Variants in TBC1D14 observed in about 807,000 individuals in gnomAD.
TBC1D14 encodes TBC1 domain family member 14.
Under a neutral mutation model 79.0 loss-of-function variants are expected in TBC1D14, and 26 were observed. The observed-to-expected ratio is 0.33, with a 90% CI of 0.24 to 0.46. TBC1D14 has a LOEUF of 0.46. Ranked by LOEUF, TBC1D14 falls within the 20% of genes least tolerant of loss-of-function variation. The probability of loss-of-function intolerance (pLI) is 1.00; values close to 1 mark genes in which losing one functional copy is unlikely to be tolerated. For synonymous variants in TBC1D14, 394 were observed against 349.9 expected (o/e 1.13, Z -1.40); for missense variants, 769 against 887.6 (o/e 0.87, Z 1.70).
At position 6,930,970 on chromosome 4, in the gene TBC1D14, G is replaced by A. The variant is rs919706532; in HGVS notation, c.722+6859G>A. Among the ~76,000 whole-genome samples the A allele has an allele frequency of 3.3e-5, 5 of 152,014 alleles. No homozygotes were observed. In the Middle Eastern group the frequency reaches 0.01, roughly 310 times the overall value. On this transcript the variant is annotated intron_variant, in intron 2 of 13. Coordinates refer to ENST00000409757, the MANE Select transcript of TBC1D14 (RefSeq NM_020773.3). ...GGCTGGAGTGCAGTGGTGTCATCTC[G>A]GCTCACTGCAACCTCTGCCTCCCGG...
intron 2 of TBC1D14, among the ~76,000 whole-genome samples, chr4:6,924,373 G>A (rs1053049249): frequency 6.6e-6 from 1 of 152,186 alleles, no homozygotes; most frequent in Non-Finnish European, 1.5e-5. Context: ...CTGTCCCACA[G>A]GTGGCCAGTG....
At chr4:6,918,545 T>C (rs1300310536) in intron 1 of TBC1D14, among the ~76,000 whole-genome samples, 1 of 152,204 alleles carries the variant, frequency 6.6e-6, no homozygotes, top group Admixed American at 6.5e-5. Context: ...GCCTGTGAGC[T>C]ATAGGGTATT....
intron 13 of TBC1D14, among the ~76,000 whole-genome samples, chr4:7,027,067 C>T (rs972852171): frequency 5.3e-5 from 8 of 151,886 alleles, no homozygotes; most frequent in African/African-American, 1.7e-4. Flanking sequence ...AAAAATTAGC[C>T]GGGCACGTTG....
chr4:7,028,187 C>T (rs528660563), intron 13 of TBC1D14, among the ~76,000 whole-genome samples: 15 of 152,134 alleles, frequency 9.9e-5, no homozygotes, highest in East Asian at 9.7e-4. Flanking sequence ...TACACACCCA[C>T]GTACAGGTGC....
chr4:6,997,676 A>T (rs912371732), intron 5 of TBC1D14, among the ~76,000 whole-genome samples: 3 of 152,246 alleles, frequency 2.0e-5, no homozygotes, highest in Admixed American at 2.0e-4. Flanking sequence ...GTACAGTGGA[A>T]TATTATTTGG....
intron 12 of TBC1D14, among the ~76,000 whole-genome samples, chr4:7,016,461 G>A (rs999311663): frequency 1.3e-5 from 2 of 152,242 alleles, no homozygotes; most frequent in African/African-American, 4.8e-5. Flanking sequence ...CCGCGGTGCT[G>A]GAGGACGGGA....
intron 2 of TBC1D14, among the ~76,000 whole-genome samples, chr4:6,937,531 G>A (rs1208884573): frequency 3.3e-5 from 5 of 152,200 alleles, no homozygotes; most frequent in Non-Finnish European, 5.9e-5. Context: ...TGGGTTGGAA[G>A]CTGTGTGAAA....
intron 1 of TBC1D14, among the ~76,000 whole-genome samples, chr4:6,916,058 A>G (rs911110219): frequency 2.0e-5 from 3 of 151,272 alleles, no homozygotes; most frequent in Non-Finnish European, 2.9e-5. Context: ...CCCAGGAGGC[A>G]GAGGTTGCAG....
At chr4:6,958,913 T>A (rs1714919919) in intron 2 of TBC1D14, among the ~76,000 whole-genome samples, 1 of 151,080 alleles carries the variant, frequency 6.6e-6, no homozygotes, top group South Asian at 2.1e-4. Context: ...AGACGGAGTC[T>A]CGCTCTGTCG....
At chr4:6,937,326 G>A (rs994198064) in intron 2 of TBC1D14, among the ~76,000 whole-genome samples, 4 of 152,350 alleles carry the variant, frequency 2.6e-5, no homozygotes, top group East Asian at 1.9e-4. Context: ...GTGCCAGCAC[G>A]TTCAGTGTCT....
intron 2 of TBC1D14, among the ~76,000 whole-genome samples, chr4:6,937,484 C>A (rs73796398): frequency 8.5e-6 from 1 of 117,528 alleles, no homozygotes; most frequent in East Asian, 3.8e-4. Flanking sequence ...TGGGTGGGGG[C>A]ACAAACCCTG....
chr4:7,006,564 C>T, intron 8 of TBC1D14, 68 bp from the exon 9 acceptor site: 2 of 1,446,116 alleles, frequency 1.4e-6, no homozygotes, highest in South Asian at 1.2e-5. Context: ...TGTAAAACTT[C>T]AAAGGCTCGT....
At position 7,030,468 on chromosome 4, in the gene TBC1D14, C is replaced by A; in HGVS notation, c.*76C>A. ...CCCCTCTGTTGTTTCAGACTGACAC[C>A]CGGGCAGCCGAGAAGAACAGACGCT... On this transcript the variant is annotated 3_prime_UTR_variant, in exon 14 of 14. Coordinates refer to ENST00000409757, the MANE Select transcript of TBC1D14 (RefSeq NM_020773.3). 6.7e-7 allele frequency: 1 copy of A among 1,481,710 alleles called. No homozygotes were observed. The highest frequency in any genetic ancestry group is 9.4e-7 in the Non-Finnish European group (1 of 1,065,524). 91.8% of individuals were successfully genotyped at this position (1,481,710 alleles called of 1,614,324 possible). A position where few individuals can be genotyped will look rare whatever the true frequency, so the allele number is the denominator to read the frequency against.
intron 3 of TBC1D14, among the ~76,000 whole-genome samples, chr4:6,991,465 C>G (rs1321843394): frequency 6.6e-6 from 1 of 152,198 alleles, no homozygotes; most frequent in Non-Finnish European, 1.5e-5. Context: ...GAAACAGCAG[C>G]CCTTGTTGGT....
At chr4:6,968,858 G>C (rs947765549) in intron 3 of TBC1D14, among the ~76,000 whole-genome samples, 1 of 152,258 alleles carries the variant, frequency 6.6e-6, no homozygotes, top group Non-Finnish European at 1.5e-5. Context: ...GCCCAGGCAA[G>C]AGAAAGTGGG....
At chr4:6,912,698 G>T (rs566619432) in intron 1 of TBC1D14, among the ~76,000 whole-genome samples, 93 of 152,332 alleles carry the variant, frequency 6.1e-4, no homozygotes, top group African/African-American at 2.2e-3. Flanking sequence ...CCGTGTCCAG[G>T]AAAGAGTAAC....
intron 3 of TBC1D14, among the ~76,000 whole-genome samples, chr4:6,981,883 A>T (rs1486352324): frequency 1.3e-5 from 2 of 152,250 alleles, no homozygotes; most frequent in Non-Finnish European, 2.9e-5. Context: ...CCTGATAAAG[A>T]GCATCTACAG....
At chr4:7,016,701 T>C (rs920772181) in intron 12 of TBC1D14, among the ~76,000 whole-genome samples, 1 of 152,250 alleles carries the variant, frequency 6.6e-6, no homozygotes, top group Admixed American at 6.5e-5. Context: ...CCTGACCATG[T>C]GAAGCATTCT....
At chr4:6,934,037 G>T (rs1712053732) in intron 2 of TBC1D14, among the ~76,000 whole-genome samples, 1 of 152,154 alleles carries the variant, frequency 6.6e-6, no homozygotes, top group African/African-American at 2.4e-5. Flanking sequence ...ATGAGGGGTG[G>T]AGTTTGAGAC....
Sources: allele counts gnomAD v4.1 joint callset (sites outside exome capture counted in the v4.1 genomes callset), GRCh38; gene constraint gnomAD v4.1.1; transcripts MANE v1.5; gene names NCBI Gene and HGNC (gene_info 2026-07-23, HGNC 2026-07-21).